Variants in TBL1X observed in about 807,000 individuals in gnomAD.
The protein encoded by TBL1X is transducin beta like 1 X-linked.
TBL1X carries 10 observed loss-of-function variants against 50.7 expected under a neutral mutation model. The ratio of observed to expected loss-of-function variants is 0.20; its 90% CI spans 0.12 to 0.33. TBL1X has a LOEUF of 0.33. Among genes scored for constraint, TBL1X ranks in the 10% least tolerant of loss-of-function variants. The pLI, the probability that TBL1X is intolerant of heterozygous loss-of-function variation, is 1.00. For synonymous variants in TBL1X, 190 were observed against 214.7 expected, an observed-to-expected ratio of 0.88 and a Z score of 1.01; for missense variants, 340 against 504.4, an observed-to-expected ratio of 0.67 and a Z score of 3.12.
intron 1 of TBL1X, among the ~76,000 whole-genome samples, chrX:9,469,514 G>C (rs897510185): frequency 2.7e-5 from 3 of 112,568 alleles, no homozygotes; most frequent in Admixed American, 1.9e-4. Context: ...ATTGGGTCTG[G>C]AAAGGTATCA....
At chrX:9,492,656 C>T (rs909839001) in intron 1 of TBL1X, among the ~76,000 whole-genome samples, 1 of 111,047 alleles carries the variant, frequency 9.0e-6, no homozygotes, top group African/African-American at 3.3e-5. Flanking sequence ...TGGAGGTCTG[C>T]GGTGTTTGTG....
intron 2 of TBL1X, among the ~76,000 whole-genome samples, chrX:9,562,680 A>G (rs1166487522): frequency 8.9e-6 from 1 of 111,766 alleles, no homozygotes; most frequent in Non-Finnish European, 1.9e-5. Flanking sequence ...GAATCTTTAC[A>G]TAGAAAAATG....
intron 1 of TBL1X, among the ~76,000 whole-genome samples, chrX:9,497,408 CAAAAAAAAA>C (rs35402306): frequency 3.3e-5 from 1 of 30,408 alleles, no homozygotes; most frequent in African/African-American, 1.5e-4. Context: ...GACTCCATCT[CAAAAAAAAA>C]AAAAAAAAAA....
At chrX:9,512,944 G>A (rs1254467529) in intron 2 of TBL1X, among the ~76,000 whole-genome samples, 2 of 111,288 alleles carry the variant, frequency 1.8e-5, no homozygotes, top group Non-Finnish European at 3.8e-5. Context: ...AACCAGCGTG[G>A]TCTTCACTTT....
intron 13 of TBL1X, among the ~76,000 whole-genome samples, chrX:9,705,411 A>G (rs1207218442): frequency 9.0e-6 from 1 of 111,577 alleles, no homozygotes; most frequent in Non-Finnish European, 1.9e-5. Flanking sequence ...TGCTCACAAT[A>G]AATGAATAGA....
intron 5 of TBL1X, among the ~76,000 whole-genome samples, chrX:9,657,576 A>G (rs1324109267): frequency 8.9e-6 from 1 of 112,298 alleles, no homozygotes; most frequent in East Asian, 2.8e-4. Context: ...TCAAAAACAG[A>G]TGTGTTTTGT....
intron 11 of TBL1X, among the ~76,000 whole-genome samples, chrX:9,696,514 C>T (rs918611955): frequency 1.8e-5 from 2 of 112,774 alleles, no homozygotes; most frequent in African/African-American, 3.2e-5. Flanking sequence ...TTCCTAGCGT[C>T]AGTAAATTCA....
chrX:9,563,651 G>A (rs750466150), intron 2 of TBL1X, among the ~76,000 whole-genome samples: 1 of 112,593 alleles, frequency 8.9e-6, no homozygotes, highest in South Asian at 3.7e-4. Flanking sequence ...GTAAAATTCA[G>A]TTTGTCTCAC....
intron 15 of TBL1X, among the ~76,000 whole-genome samples, chrX:9,709,967 A>G (rs2083235179): frequency 8.9e-6 from 1 of 112,611 alleles, no homozygotes; most frequent in African/African-American, 3.2e-5. Flanking sequence ...GCTTACGCCT[A>G]TAATCTCAGC....
intron 6 of TBL1X, among the ~76,000 whole-genome samples, chrX:9,686,839 T>G (rs187299010): frequency 8.9e-6 from 1 of 112,763 alleles, no homozygotes; most frequent in African/African-American, 3.2e-5. Flanking sequence ...GGGAGCGTCT[T>G]GACCCATCGG....
intron 5 of TBL1X, among the ~76,000 whole-genome samples, chrX:9,671,818 T>C (rs955668252): frequency 3.6e-5 from 4 of 112,532 alleles, no homozygotes; most frequent in African/African-American, 1.3e-4. Flanking sequence ...AACAAACTGT[T>C]TGAAAAGACT....
chrX:9,486,762 C>T (rs1235602974), intron 1 of TBL1X, among the ~76,000 whole-genome samples: 2 of 111,553 alleles, frequency 1.8e-5, no homozygotes, highest in Admixed American at 9.5e-5. Flanking sequence ...ATGTCACGGG[C>T]CATGGTCACT....
In TBL1X at chrX:9,716,227, T is replaced by C. The variant is rs1347870115; in HGVS notation, c.1715T>C (p.Val572Ala). The change falls in exon 18 of 18, where the codon GTT becomes GCT. Residue 572 changes from valine to alanine, a missense_variant. This residue lies in a region of TBL1X where 170 missense variants were observed against 272.6 expected (regional missense o/e 0.62). Transcript: ENST00000645353. ...CTTTATCTTTCCTTCCAGGTGTGTG[T>C]TTTGGATCTGCGGAAGTAACCACAA... ...GASASDGSVC[V>A]LDLRK The C allele has an allele frequency of 8.3e-7, 1 of 1,209,046 alleles. No individual in the cohort carries two copies. Among genetic ancestry groups the C allele is most frequent in the African/African-American group, 1.7e-5 (1 of 57,216 alleles).
intron 2 of TBL1X, among the ~76,000 whole-genome samples, chrX:9,632,378 T>G (rs938833997): frequency 1.8e-5 from 2 of 111,608 alleles, no homozygotes; most frequent in Admixed American, 1.9e-4. Context: ...CCTCCCGAGT[T>G]CAAGCGATTC....
At chrX:9,558,922 A>G (rs1023524378) in intron 2 of TBL1X, among the ~76,000 whole-genome samples, 1 of 111,924 alleles carries the variant, frequency 8.9e-6, no homozygotes, top group African/African-American at 3.3e-5. Flanking sequence ...TCTCATAATG[A>G]GGGTTATTTT....
intron 2 of TBL1X, among the ~76,000 whole-genome samples, chrX:9,551,047 T>C (rs1184332521): frequency 1.8e-5 from 2 of 111,316 alleles, no homozygotes; most frequent in Non-Finnish European, 3.8e-5. Flanking sequence ...GTAGGAGCTT[T>C]ACTTTATGGG....
At chrX:9,652,770 G>C (rs1414247579) in intron 3 of TBL1X, among the ~76,000 whole-genome samples, 2 of 108,982 alleles carry the variant, frequency 1.8e-5, no homozygotes, top group Non-Finnish European at 3.8e-5. Flanking sequence ...AGGATTGCTT[G>C]AGCCCGGGAG....
chrX:9,508,451 G>A (rs1185736710), intron 2 of TBL1X, among the ~76,000 whole-genome samples: 3 of 112,179 alleles, frequency 2.7e-5, no homozygotes, highest in Non-Finnish European at 5.6e-5. Flanking sequence ...TTGCTGGCAA[G>A]GCTGTGGGGA....
rs1382722662 is a variant in TBL1X, at chrX:9,709,729, A to G, written c.1408A>G (p.Ser470Gly). 1 of 1,208,571 alleles carries G rather than the reference A, an allele frequency of 8.3e-7. No homozygotes were observed. Among genetic ancestry groups the G allele is most frequent in the Non-Finnish European group, 1.1e-6 (1 of 894,217 alleles). ...IKWSPTGPAT[S>G]NPNSNIMLAS... ...GTGGAGCCCCACTGGGCCCGCCACCAGCAACCCAAACTCCAACATCATGTT... is the reference window on the plus strand; with the variant it reads ...GTGGAGCCCCACTGGGCCCGCCACCGGCAACCCAAACTCCAACATCATGTT... The change falls in exon 15 of 18, where the codon AGC becomes GGC. Residue 470 changes from serine to glycine, a missense_variant. By Grantham distance (56) the Ser-to-Gly change is moderately conservative. Coordinates refer to ENST00000645353, the MANE Select transcript of TBL1X (RefSeq NM_005647.4).
Sources: gnomAD v4.1 joint callset for allele counts (sites outside exome capture counted in the v4.1 genomes callset) on GRCh38, gnomAD v4.1.1 for gene constraint, gnomAD v4.1.1 regional missense constraint, MANE v1.5 for transcripts, NCBI Gene and HGNC (gene_info 2026-07-23, HGNC 2026-07-21) for gene names.